Variants in TFR2 observed in about 807,000 individuals in gnomAD.
TFR2 encodes transferrin receptor 2, also known as transferrin receptor protein 2.
TFR2 carries 64 observed loss-of-function variants against 91.9 expected under a neutral mutation model. That is an observed-to-expected ratio of 0.70 (90% CI 0.57 to 0.86). TFR2 has a LOEUF of 0.86. TFR2 is among the 40% of genes least tolerant of loss of function. The pLI, the probability that TFR2 is intolerant of heterozygous loss-of-function variation, is 0.00. For missense variants in TFR2, 950 were observed against 1,080.5 expected, an observed-to-expected ratio of 0.88 and a Z score of 1.69; for synonymous variants, 454 against 459.6, an observed-to-expected ratio of 0.99 and a Z score of 0.15.
At chr7:100,634,347 C>T (rs1409222132) in intron 3 of TFR2, among the ~76,000 whole-genome samples, 1 of 152,160 alleles carries the variant, frequency 6.6e-6, no homozygotes, top group African/African-American at 2.4e-5. Context: ...TCACCGGTTC[C>T]TGGGCTCAAG....
At chr7:100,640,418 A>C (rs995746485) in intron 3 of TFR2, 1 of 532,020 alleles carries the variant, frequency 1.9e-6, no homozygotes, top group African/African-American at 1.9e-5. Flanking sequence ...CCAGTCTGAT[A>C]CTGGATGCTG....
rs1222873666 is a variant in TFR2 at position 100,640,814 on chromosome 7, C to T, written c.345G>A (p.Val115=). The change falls in exon 3 of 18, where the codon GTG becomes GTA. Residue 115 remains valine, a synonymous_variant. Coordinates refer to ENST00000223051, the MANE Select transcript of TFR2 (RefSeq NM_003227.4). ...AGTTGACATCCTCACTGACCACCAA[C>T]ACAGAGTCTCCGCACGCCTGGCAGG... The part of the protein sequence containing the change: ...RGSCQACGDS[V]LVVSEDVNYE... 1 of 1,614,208 alleles carries T rather than the reference C, an allele frequency of 6.2e-7. No individual in the cohort carries two copies. The highest frequency in any genetic ancestry group is 8.5e-7 in the Non-Finnish European group (1 of 1,180,036).
rs1272856857 is a variant in TFR2, at chr7:100,620,901, T to C, written c.2362A>G (p.Asn788Asp). 6.2e-7 allele frequency: 1 copy of C among 1,614,056 alleles called. No individual in the cohort carries two copies. The highest frequency in any genetic ancestry group is 8.5e-7 in the Non-Finnish European group (1 of 1,179,876). ...TTCCAGACATCCCCGCTAAGCGCAT[T>C]GGCTGCCCCTTGCAGCGTCCAGGTG... is the stretch of plus-strand genomic sequence containing the variant. ...LLTWTLQGAA[N>D]ALSGDVWNID... The change falls in exon 18 of 18, where the codon AAT becomes GAT. Residue 788 changes from asparagine (N) to aspartate (D), a missense_variant. Coordinates refer to ENST00000223051, the MANE Select transcript of TFR2 (RefSeq NM_003227.4).
chr7:100,625,687 C>T (rs1803234684), intron 17 of TFR2, among the ~76,000 whole-genome samples: 1 of 151,966 alleles, frequency 6.6e-6, no homozygotes. Flanking sequence ...AGTTTGAGAC[C>T]AGCCTGGGCA....
At chr7:100,638,612 G>A (rs1313610869) in intron 3 of TFR2, among the ~76,000 whole-genome samples, 4 of 151,884 alleles carry the variant, frequency 2.6e-5, no homozygotes, top group African/African-American at 9.7e-5. Context: ...TTGGTTGGGT[G>A]TGGTGGCAGG....
chr7:100,632,460 TTTC>T (rs1487358143), intron 6 of TFR2, among the ~76,000 whole-genome samples: 1 of 151,908 alleles, frequency 6.6e-6, no homozygotes, highest in African/African-American at 2.4e-5. Flanking sequence ...CAGCCAACAT[TTTC>T]TTTTTTCCTT....
intron 5 of TFR2, 51 bp from the exon 6 acceptor site, chr7:100,633,174 C>T (rs773715139): frequency 2.5e-6 from 4 of 1,612,888 alleles, no homozygotes; most frequent in East Asian, 2.2e-5. Flanking sequence ...TCCTTCGAGA[C>T]CCAGGAAAGG....
chr7:100,639,579 G>GA (rs371949132), intron 3 of TFR2, among the ~76,000 whole-genome samples: 28,376 of 133,266 alleles, frequency 0.21, 2,787 homozygotes, highest in Non-Finnish European at 0.24. Flanking sequence ...AATGAGAAAT[G>GA]AAAAAAAAAA....
intron 10 of TFR2, 126 bp from the exon 11 acceptor site, chr7:100,628,432 C>T: frequency 1.1e-6 from 1 of 933,456 alleles, no homozygotes; most frequent in Non-Finnish European, 1.7e-6. Flanking sequence ...CAGGATCTCA[C>T]TCTCTCGCCC....
At chr7:100,627,523 G>A in intron 15 of TFR2, 32 bp from the exon 16 acceptor site, 1 of 1,613,868 alleles carries the variant, frequency 6.2e-7, no homozygotes, top group Non-Finnish European at 8.5e-7. Flanking sequence ...TGGGGCGGAG[G>A]CAGACAGGCT....
At chr7:100,631,768 C>T in intron 8 of TFR2, 38 bp downstream of exon 8, 1 of 1,599,096 alleles carries the variant, frequency 6.3e-7, no homozygotes. Context: ...CTTCCTCTCT[C>T]TGCTTCCTCC....
At position 100,626,672 on chromosome 7, in the gene TFR2, G is replaced by A. The variant is rs1803258444; in HGVS notation, c.2136+91C>T. 3.3e-6 allele frequency: 5 copies of A among 1,514,580 alleles called. No individual in the cohort carries two copies. In the South Asian group the frequency reaches 4.9e-5, roughly 15 times the overall value. 93.8% of individuals were successfully genotyped at this position (1,514,580 alleles called of 1,614,324 possible). A position where few individuals can be genotyped will look rare whatever the true frequency, so the allele number is the denominator to read the frequency against. ...CCGGGACTGTGTAGGCGGGGAGAGA[G>A]AGGAGCGCGCAGACGGGGCCAGGTC... On this transcript the variant is annotated intron_variant, in intron 17 of 17. Transcript: ENST00000223051.
At chr7:100,622,416 C>A (rs1395079158) in intron 17 of TFR2, among the ~76,000 whole-genome samples, 1 of 152,200 alleles carries the variant, frequency 6.6e-6, no homozygotes, top group East Asian at 1.9e-4. Context: ...TGGGCCCACA[C>A]TCATGTGGCC....
rs377108556 is a variant in TFR2, at chr7:100,627,992, G to A, written c.1538-18C>T. 1.4e-5 allele frequency: 23 copies of A among 1,613,996 alleles called. No individual in the cohort carries two copies. Among genetic ancestry groups the A allele is most frequent in the Non-Finnish European group, 3.4e-6 (4 of 1,179,966 alleles). ...GTCATCCCCTGGAAAAAGGGGAGGGGAGGGATGCCAGGCTCAGGGCTCAGC... is the reference window on the plus strand; with the variant it reads ...GTCATCCCCTGGAAAAAGGGGAGGGAAGGGATGCCAGGCTCAGGGCTCAGC... On this transcript the variant is annotated intron_variant, in intron 12 of 17. Coordinates refer to ENST00000223051, the MANE Select transcript of TFR2 (RefSeq NM_003227.4).
chr7:100,621,267 G>A, intron 17 of TFR2, 141 bp from the exon 18 acceptor site: 1 of 1,190,762 alleles, frequency 8.4e-7, no homozygotes, highest in Non-Finnish European at 1.1e-6. Context: ...TTGTTCGTTT[G>A]TTTTGAGACG....
intron 8 of TFR2, 97 bp downstream of exon 8, chr7:100,631,709 G>A: frequency 6.6e-7 from 1 of 1,517,314 alleles, no homozygotes. Flanking sequence ...TTAAACAAGA[G>A]TCACCTTTTT....
chr7:100,637,037 A>G (rs1463719433), intron 3 of TFR2, among the ~76,000 whole-genome samples: 1 of 152,154 alleles, frequency 6.6e-6, no homozygotes. Context: ...AGGCCAAGGT[A>G]GGAGGATTGC....
At chr7:100,638,521 G>A (rs1803623193) in intron 3 of TFR2, among the ~76,000 whole-genome samples, 1 of 151,806 alleles carries the variant, frequency 6.6e-6, no homozygotes, top group South Asian at 2.1e-4. Flanking sequence ...AGGCCGTGGT[G>A]GGTGGATCAT....
intron 17 of TFR2, among the ~76,000 whole-genome samples, chr7:100,625,434 G>C (rs906367436): frequency 2.6e-5 from 4 of 151,918 alleles, no homozygotes; most frequent in Non-Finnish European, 4.4e-5. Flanking sequence ...AAAGGTGGGT[G>C]TTTTTGTCTT....
Sources: allele counts gnomAD v4.1 joint callset (sites outside exome capture counted in the v4.1 genomes callset), GRCh38; gene constraint gnomAD v4.1.1; transcripts MANE v1.5; gene names NCBI Gene and HGNC (gene_info 2026-07-23, HGNC 2026-07-21).